Variants in CTNND2 observed in about 807,000 individuals in gnomAD.
CTNND2 encodes catenin delta 2, also known as catenin delta-2.
A neutral mutation model predicts 144.4 loss-of-function variants in CTNND2; 22 were observed. That is an observed-to-expected ratio of 0.15 (90% CI 0.11 to 0.22). The LOEUF is 0.22. Among genes scored for constraint, CTNND2 ranks in the 10% least tolerant of loss-of-function variants. The pLI, the probability that CTNND2 is intolerant of heterozygous loss-of-function variation, is 1.00. For missense variants in CTNND2, 1,353 were observed against 1,618.8 expected, an observed-to-expected ratio of 0.84 and a Z score of 2.82; for synonymous variants, 751 against 695.6, an observed-to-expected ratio of 1.08 and a Z score of -1.25.
chr5:11,464,079 T>C (rs1343381279), intron 3 of CTNND2, among the ~76,000 whole-genome samples: 1 of 152,198 alleles, frequency 6.6e-6, no homozygotes, highest in Non-Finnish European at 1.5e-5. Context: ...AAAAATTAAA[T>C]TCTAAGTAGG....
chr5:11,482,441 T>C (rs1431805928), intron 3 of CTNND2, among the ~76,000 whole-genome samples: 1 of 152,174 alleles, frequency 6.6e-6, no homozygotes, highest in Non-Finnish European at 1.5e-5. Flanking sequence ...GAACAAAGAA[T>C]GACTGAGTGC....
chr5:11,104,174 AT>A (rs1752185332), intron 14 of CTNND2, among the ~76,000 whole-genome samples: 1 of 152,248 alleles, frequency 6.6e-6, no homozygotes, highest in Admixed American at 6.5e-5. Context: ...CAGTCATTAC[AT>A]ATGTGCAGGC....
chr5:11,603,840 C>G (rs891314336), intron 2 of CTNND2, among the ~76,000 whole-genome samples: 1 of 152,168 alleles, frequency 6.6e-6, no homozygotes, highest in Non-Finnish European at 1.5e-5. Context: ...CCTCACACAG[C>G]TTACCATCCA....
intron 16 of CTNND2, among the ~76,000 whole-genome samples, chr5:11,074,645 T>C (rs889852301): frequency 3.9e-5 from 6 of 152,206 alleles, no homozygotes; most frequent in African/African-American, 1.4e-4. Context: ...AGTATTGATA[T>C]AACGAAGATT....
chr5:11,044,750 G>C (rs1745058931), intron 16 of CTNND2, among the ~76,000 whole-genome samples: 1 of 152,206 alleles, frequency 6.6e-6, no homozygotes, highest in Non-Finnish European at 1.5e-5. Context: ...GACAGGGACA[G>C]GGAAAGATGG....
chr5:11,741,831 G>C (rs1304939449), intron 1 of CTNND2, among the ~76,000 whole-genome samples: 2 of 146,970 alleles, frequency 1.4e-5, no homozygotes, highest in African/African-American at 5.0e-5. Context: ...ATATATAGTA[G>C]TATTCATATA....
chr5:11,603,370 T>C (rs1779896957), intron 2 of CTNND2, among the ~76,000 whole-genome samples: 1 of 152,212 alleles, frequency 6.6e-6, no homozygotes, highest in South Asian at 2.1e-4. Flanking sequence ...ATAATTTTAA[T>C]GTCACAGTTG....
At chr5:11,199,327 T>C (rs1388831059) in intron 11 of CTNND2, 121 bp downstream of exon 11, 7 of 842,492 alleles carry the variant, frequency 8.3e-6, no homozygotes, top group Non-Finnish European at 1.3e-5. Flanking sequence ...AAAACACATA[T>C]TGAGACCGCC....
chr5:11,306,230 A>T lies in CTNND2; in HGVS notation c.1628+40142T>A, dbSNP rs1750187368. ...AAGAGGCAAGAGATGATGCTGGCTT[A>T]GGATGTGCGTGTGGAGGTGCAGGCT... On this transcript the variant is annotated intron_variant, in intron 9 of 21. Coordinates refer to ENST00000304623, the MANE Select transcript of CTNND2 (RefSeq NM_001332.4). Among the ~76,000 whole-genome samples the T allele has an allele frequency of 3.9e-5, 6 of 152,334 alleles. No homozygotes were observed. In the South Asian group the frequency reaches 1.2e-3, roughly 32 times the overall value.
At chr5:10,990,092 C>A (rs970935220) in intron 19 of CTNND2, among the ~76,000 whole-genome samples, 1 of 152,212 alleles carries the variant, frequency 6.6e-6, no homozygotes, top group African/African-American at 2.4e-5. Context: ...AGCTGCAGCA[C>A]CTTCATCACT....
intron 14 of CTNND2, among the ~76,000 whole-genome samples, chr5:11,104,696 G>GCTT (rs1752243377): frequency 6.6e-6 from 1 of 152,192 alleles, no homozygotes; most frequent in African/African-American, 2.4e-5. Flanking sequence ...TCCCCCAGGA[G>GCTT]CTGTTCAGAA....
At chr5:11,597,348 A>G (rs188450656) in intron 2 of CTNND2, among the ~76,000 whole-genome samples, 66 of 152,264 alleles carry the variant, frequency 4.3e-4, no homozygotes, top group Admixed American at 1.3e-3. Flanking sequence ...CAGCTTTGTA[A>G]AGGTCTTAAA....
chr5:11,471,033 A>G (rs1181810595), intron 3 of CTNND2, among the ~76,000 whole-genome samples: 1 of 137,058 alleles, frequency 7.3e-6, no homozygotes, highest in African/African-American at 2.7e-5. Flanking sequence ...GCTGGAGTGC[A>G]GTGGCGCGAT....
intron 3 of CTNND2, among the ~76,000 whole-genome samples, chr5:11,412,852 A>T (rs1761651736): frequency 6.6e-6 from 1 of 152,162 alleles, no homozygotes; most frequent in African/African-American, 2.4e-5. Flanking sequence ...TCATTTTGAG[A>T]ATGATTTTGT....
At chr5:11,260,101 G>A (rs1028704862) in intron 9 of CTNND2, among the ~76,000 whole-genome samples, 1 of 152,118 alleles carries the variant, frequency 6.6e-6, no homozygotes, top group Non-Finnish European at 1.5e-5. Flanking sequence ...CTTGAATGAT[G>A]TGTTCATATC....
chr5:11,078,213 T>A (rs1461313157), intron 16 of CTNND2, among the ~76,000 whole-genome samples: 4 of 152,230 alleles, frequency 2.6e-5, no homozygotes, highest in Admixed American at 2.6e-4. Flanking sequence ...TCACTCAAAG[T>A]CACTGCAGCT....
intron 10 of CTNND2, among the ~76,000 whole-genome samples, chr5:11,216,410 AGAGAGTGGCAG>A (rs1165506351): frequency 2.0e-5 from 3 of 152,244 alleles, no homozygotes; most frequent in Admixed American, 2.0e-4. Context: ...TCAAAGCCGA[AGAGAGTGGCAG>A]GAGAGTCAGA....
At chr5:11,749,450 AG>A (rs1346373901) in intron 1 of CTNND2, among the ~76,000 whole-genome samples, 1 of 152,036 alleles carries the variant, frequency 6.6e-6, no homozygotes, top group Non-Finnish European at 1.5e-5. Context: ...AAAATATGCC[AG>A]GCCAGAGATT....
At chr5:11,404,347 A>G (rs1425727301) in intron 5 of CTNND2, among the ~76,000 whole-genome samples, 1 of 152,106 alleles carries the variant, frequency 6.6e-6, no homozygotes. Context: ...GCCATTATCG[A>G]TCTGGCCCTC....
Sources: allele counts gnomAD v4.1 joint callset (sites outside exome capture counted in the v4.1 genomes callset), GRCh38; gene constraint gnomAD v4.1.1; transcripts MANE v1.5; gene names NCBI Gene and HGNC (gene_info 2026-07-23, HGNC 2026-07-21).